MROH2A: variants seen among roughly 807,000 people sequenced by gnomAD.
MROH2A encodes the protein maestro heat-like repeat-containing protein family member 2A.
MROH2A carries 174 observed loss-of-function variants against 200.4 expected under a neutral mutation model. The observed-to-expected ratio is 0.87, with a 90% confidence interval of 0.77 to 0.98. The LOEUF is 0.98. MROH2A is among the 50% of genes least tolerant of loss of function. The probability of loss-of-function intolerance (pLI) is 0.00; values close to 1 mark genes in which losing one functional copy is unlikely to be tolerated. For missense variants in MROH2A, 2,045 were observed against 2,139.6 expected, an observed-to-expected ratio of 0.96 and a Z score of 0.87; for synonymous variants, 829 against 840.4, an observed-to-expected ratio of 0.99 and a Z score of 0.23.
In MROH2A at chr2:233,833,259, G is replaced by A. The variant is rs1255140602; in HGVS notation, c.5025G>A (p.Ter1675=). 2.5e-5 allele frequency: 38 copies of A among 1,536,278 alleles called. No homozygotes were observed. The highest frequency in any genetic ancestry group is 3.3e-5 in the Non-Finnish European group (38 of 1,142,948). ...TGGCTTCACCCCAAGGAATGTCCTAGGTGGTCCAAACATAAGACGTAAACT... is the reference window on the plus strand; with the variant it reads ...TGGCTTCACCCCAAGGAATGTCCTAAGTGGTCCAAACATAAGACGTAAACT... ...GFLASPQGMS[*] is the part of the protein sequence containing the mutation. Residue 1675 remains the stop codon, a stop_retained_variant, in exon 42 of 42, where the codon TAG becomes TAA. Coordinates refer to ENST00000389758, the MANE Select transcript of MROH2A (RefSeq NM_001394639.1).
Position 233,833,285 on chromosome 2 carries a change from GTCT to G in MROH2A, c.*31_*33del, listed in dbSNP as rs1158269933. The G allele has an allele frequency of 6.7e-7, 1 of 1,496,726 alleles. No individual in the cohort carries two copies. Among genetic ancestry groups the G allele is most frequent in the Non-Finnish European group, 8.9e-7 (1 of 1,125,048 alleles). 92.7% of individuals were successfully genotyped at this position (1,496,726 alleles called of 1,614,324 possible). ...GTGGTCCAAACATAAGACGTAAACT[GTCT>G]TCTTAGTGCCAAATGCAAGCCCTTT... On this transcript the variant is annotated 3_prime_UTR_variant, in exon 42 of 42. Coordinates refer to ENST00000389758, the MANE Select transcript of MROH2A (RefSeq NM_001394639.1).
chr2:233,828,548 A>C lies in MROH2A; in HGVS notation c.4114-82A>C. ...CCTGTCCACAGAGCCACCAATCTGC[A>C]TTACCTCTCCTCCCACGTCCCACCT... is the stretch of plus-strand genomic sequence containing the variant. On this transcript the variant is annotated intron_variant, in intron 35 of 41. Transcript: ENST00000389758. The surrounding 1 kb of genome is among the most constrained non-coding windows in gnomAD (Gnocchi z 4.6). 6.7e-7 allele frequency: 1 copy of C among 1,493,442 alleles called. No individual in the cohort carries two copies. The highest frequency in any genetic ancestry group is 9.0e-7 in the Non-Finnish European group (1 of 1,111,870). The allele number at this position is 1,493,442 out of a possible 1,614,324, so 92.5% of individuals were successfully genotyped here.
Position 233,828,742 on chromosome 2 carries a change from G to A in MROH2A, c.4226G>A (p.Arg1409His). The A allele has an allele frequency of 3.9e-6, 6 of 1,550,508 alleles. No homozygotes were observed. Among genetic ancestry groups the A allele is most frequent in the South Asian group, 2.4e-5 (2 of 84,054 alleles). Residue 1409 changes from arginine (R) to histidine (H), a missense_variant, in exon 36 of 42, where the codon CGC becomes CAC. Physicochemically the swap from Arg to His is conservative, Grantham distance 29 (BLOSUM62 0). Coordinates refer to ENST00000389758, the MANE Select transcript of MROH2A (RefSeq NM_001394639.1). This position sits in a 1 kb window ranked among gnomAD's most constrained non-coding sequence, Gnocchi z 4.6. The part of the protein sequence containing the change: ...EDEALRVLSL[R>H]ALGNMALGAP... ...GAGGCCCTGCGGGTGCTGTCCCTGC[G>A]CGCCCTCGGCAACATGGCCCTGGGC...
At chr2:233,831,121 A>G (rs528326384) in intron 38 of MROH2A, among the ~76,000 whole-genome samples, 53 of 152,148 alleles carry the variant, frequency 3.5e-4, no homozygotes, top group African/African-American at 1.3e-3. Flanking sequence ...CTCTGATCCC[A>G]TGGAGGGCTG....
chr2:233,811,666 C>T (rs894006751), intron 23 of MROH2A, among the ~76,000 whole-genome samples: 6 of 152,212 alleles, frequency 3.9e-5, no homozygotes, highest in African/African-American at 1.4e-4. Context: ...AGTAGATGAG[C>T]AGCGCGAGCT....
chr2:233,789,521 A>T lies in MROH2A; in HGVS notation c.301A>T (p.Ile101Phe), dbSNP rs755596609. The T allele has an allele frequency of 2.1e-6, 3 of 1,458,548 alleles. No homozygotes were observed. The highest frequency in any genetic ancestry group is 2.7e-6 in the Non-Finnish European group (3 of 1,103,072). 90.4% of individuals were successfully genotyped at this position (1,458,548 alleles called of 1,614,324 possible). A position where few individuals can be genotyped will look rare whatever the true frequency, so the allele number is the denominator to read the frequency against. The change falls in exon 4 of 42, where the codon ATT (isoleucine) becomes TTT (phenylalanine). Residue 101 changes from isoleucine (I) to phenylalanine (F), a missense_variant. This residue lies in a region of MROH2A where 831 missense variants were observed against 800.0 expected (regional missense o/e 1.04). Coordinates refer to ENST00000389758, the MANE Select transcript of MROH2A (RefSeq NM_001394639.1). Reference sequence around the variant, plus strand: ...GATTTCCACCCAGCGCAAGGTCAACATTTACAACATCCTCCAGGACATCAT... The same window carrying T: ...GATTTCCACCCAGCGCAAGGTCAACTTTTACAACATCCTCCAGGACATCAT... ...PEISTQRKVN[I>F]YNILQDIIQQ...
At chr2:233,826,137 A>C (rs1473740293) in intron 35 of MROH2A, among the ~76,000 whole-genome samples, 1 of 151,912 alleles carries the variant, frequency 6.6e-6, no homozygotes, top group Non-Finnish European at 1.5e-5. Flanking sequence ...GTTGGCCAGG[A>C]TGGTCTCGAT....
rs1559475705 is a variant in MROH2A, at chr2:233,819,381, C to T, written c.3269C>T (p.Thr1090Ile). 1 of 1,550,594 alleles carries T rather than the reference C, an allele frequency of 6.4e-7. No individual in the cohort carries two copies. Among genetic ancestry groups the T allele is most frequent in the Non-Finnish European group, 8.7e-7 (1 of 1,146,964 alleles). ...VSLIQKLCEN[T>I]GAMNLQHDKA... Reference sequence around the variant, plus strand: ...CTCATCCAGAAGCTCTGCGAGAACACTGGGGCCATGAACCTGCAGCATGAC... The same window carrying T: ...CTCATCCAGAAGCTCTGCGAGAACATTGGGGCCATGAACCTGCAGCATGAC... The change falls in exon 30 of 42, where the codon ACT (threonine) becomes ATT (isoleucine). Residue 1090 changes from threonine to isoleucine, a missense_variant. Coordinates refer to ENST00000389758, the MANE Select transcript of MROH2A (RefSeq NM_001394639.1).
At chr2:233,833,005 T>C (rs903312448) in intron 41 of MROH2A, 133 bp from the exon 42 acceptor site, 3 of 1,101,040 alleles carry the variant, frequency 2.7e-6, no homozygotes, top group Non-Finnish European at 2.5e-6. Flanking sequence ...TCCTCTGCTT[T>C]CCCACACAGG....
Position 233,787,571 on chromosome 2 carries a change from T to C in MROH2A, c.277-1926T>C, listed in dbSNP as rs187811281. ...ATATATTATATATACATATATATTATATATATCATATATACATATATATAT... is the reference window on the plus strand; with the variant it reads ...ATATATTATATATACATATATATTACATATATCATATATACATATATATAT... On this transcript the variant is annotated intron_variant, in intron 3 of 41. Transcript: ENST00000389758. 3.3e-3 allele frequency among the ~76,000 whole-genome samples: 179 copies of C among 54,204 alleles called. 10 individuals are homozygous for C. Among genetic ancestry groups the C allele is most frequent in the Non-Finnish European group, 4.7e-3 (150 of 31,994 alleles). 35.6% of individuals were successfully genotyped at this position (54,204 alleles called of 152,430 possible).
intron 22 of MROH2A, 142 bp from the exon 23 acceptor site, chr2:233,810,652 G>A: frequency 2.7e-6 from 3 of 1,091,626 alleles, no homozygotes; most frequent in Non-Finnish European, 1.3e-6. Context: ...GAAGGACAGA[G>A]TGAGGCTGGC....
In MROH2A at chr2:233,820,102, C is replaced by T; in HGVS notation, c.3512+46C>T. The T allele has an allele frequency of 6.9e-7, 1 of 1,452,648 alleles. No homozygotes were observed. Among genetic ancestry groups the T allele is most frequent in the East Asian group, 2.6e-5 (1 of 38,628 alleles). The allele number at this position is 1,452,648 out of a possible 1,614,324, so 90.0% of individuals were successfully genotyped here. On this transcript the variant is annotated intron_variant, in intron 31 of 41. Coordinates refer to ENST00000389758, the MANE Select transcript of MROH2A (RefSeq NM_001394639.1). This position sits in a 1 kb window ranked among gnomAD's most constrained non-coding sequence, Gnocchi z 4.1. ...GGCCCCGGCCTCCTGTGCCATTTGA[C>T]CATGCCCAACTCACCACCCCGATGT... is the stretch of plus-strand genomic sequence containing the variant.
chr2:233,793,936 C>G, intron 7 of MROH2A, 112 bp downstream of exon 7: 1 of 1,119,460 alleles, frequency 8.9e-7, no homozygotes, highest in Non-Finnish European at 1.2e-6. Flanking sequence ...TCCCAGGACC[C>G]TAGAGGGCAG....
intron 3 of MROH2A, among the ~76,000 whole-genome samples, chr2:233,786,763 A>G (rs1701229188): frequency 6.6e-6 from 1 of 152,198 alleles, no homozygotes; most frequent in Non-Finnish European, 1.5e-5. Context: ...TTAATCAGTC[A>G]TCAGTGGCAA....
chr2:233,789,958 T>G lies in MROH2A; in HGVS notation c.515T>G (p.Leu172Arg). The G allele has an allele frequency of 6.4e-7, 1 of 1,550,460 alleles. No individual in the cohort carries two copies. Among genetic ancestry groups the G allele is most frequent in the Non-Finnish European group, 8.7e-7 (1 of 1,146,916 alleles). The change falls in exon 5 of 42, where the codon CTC (leucine) becomes CGC (arginine). Residue 172 changes from leucine (L) to arginine (R), a missense_variant. Coordinates refer to ENST00000389758, the MANE Select transcript of MROH2A (RefSeq NM_001394639.1). ...GAGCTGCAGCACCACCTCAAGCCCC[T>G]CAACCTCACTGATGAATTTGTCATC... Reference protein sequence around the residue: ...MYELQHHLKPLNLTDEFVIIT... With the variant: ...MYELQHHLKPRNLTDEFVIIT...
chr2:233,802,107 T>A (rs1178515207), intron 14 of MROH2A, 61 bp from the exon 15 acceptor site: 1 of 1,484,016 alleles, frequency 6.7e-7, no homozygotes, highest in African/African-American at 1.4e-5. Flanking sequence ...CTGACTGTTC[T>A]CCTTAGAAGC....
intron 34 of MROH2A, 146 bp downstream of exon 34, chr2:233,823,164 A>T: frequency 1.2e-6 from 1 of 847,870 alleles, no homozygotes; most frequent in Non-Finnish European, 1.8e-6. Context: ...TGACTCTAGG[A>T]TGGCAGTGGT....
chr2:233,830,202 C>T (rs529380), intron 38 of MROH2A, among the ~76,000 whole-genome samples: 76,644 of 152,048 alleles, frequency 0.5, 19,522 homozygotes, highest in South Asian at 0.62. Context: ...CACAGCCCAG[C>T]TCCTCTGTTG....
intron 5 of MROH2A, among the ~76,000 whole-genome samples, chr2:233,791,493 C>T (rs1300467930): frequency 1.3e-5 from 2 of 151,866 alleles, no homozygotes; most frequent in Admixed American, 6.6e-5. Context: ...CCTGTGGGAG[C>T]CCCCAGGGGA....
Sources: gnomAD v4.1 joint callset for allele counts (sites outside exome capture counted in the v4.1 genomes callset) on GRCh38, gnomAD v4.1.1 for gene constraint, gnomAD v4.1.1 regional missense constraint, Gnocchi (gnomAD v3.1) non-coding constraint, MANE v1.5 for transcripts, NCBI Gene and HGNC (gene_info 2026-07-23, HGNC 2026-07-21) for gene names.